Variants in TECPR1 observed in about 807,000 individuals in gnomAD.
TECPR1 encodes the protein tectonin beta-propeller repeat containing 1, also known as tectonin beta-propeller repeat-containing protein 1.
Under a neutral mutation model 162.4 loss-of-function variants are expected in TECPR1, and 122 were observed. The ratio of observed to expected loss-of-function variants is 0.75; its 90% CI spans 0.65 to 0.87. The LOEUF (loss-of-function observed/expected upper bound fraction) is 0.87, where lower values mean the gene tolerates loss of function less well. TECPR1 is among the 40% of genes least tolerant of loss of function. The pLI is 0.00. For missense variants in TECPR1, 1,432 were observed against 1,618.2 expected, an observed-to-expected ratio of 0.88 and a Z score of 1.97; for synonymous variants, 642 against 670.6, an observed-to-expected ratio of 0.96 and a Z score of 0.66.
At chr7:98,244,466 G>A (rs988874127) in intron 5 of TECPR1, 105 bp downstream of exon 5, 69 of 1,436,716 alleles carry the variant, frequency 4.8e-5, no homozygotes, top group Middle Eastern at 1.9e-4. Flanking sequence ...CGAGGTGGGC[G>A]TGGTGTCCCC....
chr7:98,228,659 C>T (rs535495402), intron 16 of TECPR1: 29 of 217,324 alleles, frequency 1.3e-4, no homozygotes, highest in South Asian at 2.0e-4. Flanking sequence ...TGGAACGCCC[C>T]GTTTCAGTGT....
intron 17 of TECPR1, among the ~76,000 whole-genome samples, chr7:98,226,098 C>T (rs889502909): frequency 1.2e-4 from 18 of 152,184 alleles, no homozygotes; most frequent in African/African-American, 4.3e-4. Flanking sequence ...CCTTTCAGGC[C>T]TCTCTGAGAC....
intron 5 of TECPR1, 38 bp downstream of exon 5, chr7:98,244,533 C>A (rs1232394900): frequency 1.3e-6 from 2 of 1,580,308 alleles, no homozygotes; most frequent in African/African-American, 1.3e-5. Flanking sequence ...TCTGTCCTGG[C>A]CCTATCCTGC....
chr7:98,246,169 C>A lies in TECPR1; in HGVS notation c.-19-4G>T, dbSNP rs967583018. On this transcript the variant is annotated splice_region_variant and splice_polypyrimidine_tract_variant and intron_variant, in intron 2 of 25. Transcript: ENST00000447648. ...CATGGCAGCGGCTGGAGGTAACCTG[C>A]GGCAGGAGGACGAGGGCCAGCGTTC... The A allele has an allele frequency of 2.6e-6, 4 of 1,531,232 alleles. No individual in the cohort carries two copies. The highest frequency in any genetic ancestry group is 2.0e-5 in the Admixed American group (1 of 50,580). The allele number at this position is 1,531,232 out of a possible 1,614,324, so 94.9% of individuals were successfully genotyped here.
At chr7:98,229,258 T>C (rs1798359147) in intron 15 of TECPR1, 92 bp from the exon 16 acceptor site, 1 of 1,471,112 alleles carries the variant, frequency 6.8e-7, no homozygotes, top group African/African-American at 1.4e-5. Flanking sequence ...CTCCTGTGGT[T>C]CTGGGATTTT....
At chr7:98,245,595 C>T (rs1798885398) in intron 3 of TECPR1, among the ~76,000 whole-genome samples, 1 of 152,214 alleles carries the variant, frequency 6.6e-6, no homozygotes, top group Non-Finnish European at 1.5e-5. Context: ...CCTCAGCCTC[C>T]TAAGTAGCTG....
Position 98,224,787 on chromosome 7 carries a change from A to AG in TECPR1, c.2690+13dup. The AG allele has an allele frequency of 6.4e-7, 1 of 1,573,654 alleles. No individual in the cohort carries two copies. Among genetic ancestry groups the AG allele is most frequent in the Non-Finnish European group, 8.6e-7 (1 of 1,160,172 alleles). On this transcript the variant is annotated intron_variant, in intron 19 of 25. Coordinates refer to ENST00000447648, the MANE Select transcript of TECPR1 (RefSeq NM_015395.3). ...AGGACCCAGCCCGAAGGCCCTGTGCAGGGAGAGGCTTACGCAGGGAAGTCG... is the reference window on the plus strand; with the variant it reads ...AGGACCCAGCCCGAAGGCCCTGTGCAGGGGAGAGGCTTACGCAGGGAAGTCG...
intron 4 of TECPR1, 66 bp from the exon 5 acceptor site, chr7:98,244,759 G>A (rs548321047): frequency 6.3e-7 from 1 of 1,582,342 alleles, no homozygotes; most frequent in Non-Finnish European, 8.6e-7. Flanking sequence ...GGGGAAGGTG[G>A]GGAGGGAGGG....
chr7:98,228,361 A>C, intron 16 of TECPR1: 1 of 504,814 alleles, frequency 2.0e-6, no homozygotes, highest in Non-Finnish European at 3.6e-6. Context: ...CTGTGCATTA[A>C]ATCTCCCATC....
At chr7:98,235,039 C>T (rs1407357925) in intron 10 of TECPR1, among the ~76,000 whole-genome samples, 1 of 152,160 alleles carries the variant, frequency 6.6e-6, no homozygotes, top group African/African-American at 2.4e-5. Flanking sequence ...TGACTTTTCA[C>T]TCTCTTGATA....
chr7:98,235,418 G>A (rs1479248916), intron 10 of TECPR1, among the ~76,000 whole-genome samples: 10 of 151,878 alleles, frequency 6.6e-5, no homozygotes, highest in African/African-American at 1.7e-4. Context: ...CCAGCTACTC[G>A]GGAGGCTGAG....
chr7:98,238,366 C>T, intron 9 of TECPR1, 143 bp downstream of exon 9: 1 of 697,202 alleles, frequency 1.4e-6, no homozygotes. Context: ...GGAAGCCTGG[C>T]ACCTCAGAAA....
At chr7:98,251,695 C>T (rs189647184) in intron 1 of TECPR1, 147 bp from the exon 2 acceptor site, 2 of 152,362 alleles carry the variant, frequency 1.3e-5, no homozygotes, top group East Asian at 3.9e-4. Context: ...CAGGTGGGGC[C>T]CCTGCACTGC....
chr7:98,245,449 T>C (rs568481323), intron 3 of TECPR1, among the ~76,000 whole-genome samples: 3 of 152,294 alleles, frequency 2.0e-5, no homozygotes, highest in East Asian at 3.9e-4. Flanking sequence ...AGACCCTGGA[T>C]ACTATGCAAC....
chr7:98,231,191 C>A (rs763864736), intron 14 of TECPR1, 33 bp downstream of exon 14: 6 of 1,608,408 alleles, frequency 3.7e-6, no homozygotes, highest in African/African-American at 2.7e-5. Context: ...GGCTATCCCT[C>A]CCCCCGGCCC....
At chr7:98,251,192 G>T (rs922578619) in intron 2 of TECPR1, 2 of 152,164 alleles carry the variant, frequency 1.3e-5, no homozygotes, top group Non-Finnish European at 2.9e-5. Context: ...AATTCACCAA[G>T]AATTTCTACA....
chr7:98,248,845 CAA>C (rs71112130), intron 2 of TECPR1, among the ~76,000 whole-genome samples: 1 of 144,926 alleles, frequency 6.9e-6, no homozygotes, highest in Non-Finnish European at 1.5e-5. Flanking sequence ...GACTCCGTCT[CAA>C]AAAAAAACAA....
At position 98,218,002 on chromosome 7, in the gene TECPR1, C is replaced by A; in HGVS notation, c.3198G>T (p.Pro1066=). The A allele has an allele frequency of 2.6e-6, 4 of 1,567,950 alleles. No individual in the cohort carries two copies. Among genetic ancestry groups the A allele is most frequent in the African/African-American group, 2.7e-5 (2 of 73,878 alleles). The change falls in exon 24 of 26, where the codon CCG becomes CCT. Residue 1066 remains proline, a synonymous_variant. Coordinates refer to ENST00000447648, the MANE Select transcript of TECPR1 (RefSeq NM_015395.3). ...WYRQGITPSY[P]QGSSWEHVSN... ...ACACGTGCTCCCAGCTGGAGCCCTG[C>A]GGGTAGCTGGGCGTGATCCCTTGGC...
chr7:98,250,275 C>T (rs943291614), intron 2 of TECPR1, among the ~76,000 whole-genome samples: 1 of 151,328 alleles, frequency 6.6e-6, no homozygotes, highest in Non-Finnish European at 1.5e-5. Context: ...TAGGGGAAGA[C>T]GAAGGTTTTT....
Sources: allele counts gnomAD v4.1 joint callset (sites outside exome capture counted in the v4.1 genomes callset), GRCh38; gene constraint gnomAD v4.1.1; transcripts MANE v1.5; gene names NCBI Gene and HGNC (gene_info 2026-07-23, HGNC 2026-07-21).